The following GABRB1 variants were observed in gnomAD, a reference collection of about 807,000 sequenced individuals.
GABRB1 encodes gamma-aminobutyric acid type A receptor subunit beta1, also known as gamma-aminobutyric acid receptor subunit beta-1.
A neutral mutation model predicts 51.6 loss-of-function variants in GABRB1; 17 were observed. That is an observed-to-expected ratio of 0.33 (90% CI 0.23 to 0.49). GABRB1 has a LOEUF of 0.49. Among genes scored for constraint, GABRB1 ranks in the 20% least tolerant of loss-of-function variants. GABRB1 has a pLI of 0.99. For synonymous variants in GABRB1, 247 were observed against 218.9 expected, an observed-to-expected ratio of 1.13 and a Z score of -1.14; for missense variants, 410 against 600.6, an observed-to-expected ratio of 0.68 and a Z score of 3.32.
chr4:47,195,971 G>C (rs2109790326), intron 4 of GABRB1, among the ~76,000 whole-genome samples: 1 of 152,350 alleles, frequency 6.6e-6, no homozygotes, highest in East Asian at 1.9e-4. Flanking sequence ...AGTCAGAGCA[G>C]AACTTGCTAG....
intron 3 of GABRB1, among the ~76,000 whole-genome samples, chr4:47,152,954 G>C (rs530696202): frequency 6.6e-6 from 1 of 151,846 alleles, no homozygotes; most frequent in South Asian, 2.1e-4. Context: ...CCTCCTACTC[G>C]ATCATTTTGT....
chr4:47,316,497 G>A (rs1343939413), intron 4 of GABRB1, among the ~76,000 whole-genome samples: 1 of 151,910 alleles, frequency 6.6e-6, no homozygotes, highest in Non-Finnish European at 1.5e-5. Flanking sequence ...CACTTAGGTT[G>A]ATTCCATATT....
intron 5 of GABRB1, among the ~76,000 whole-genome samples, chr4:47,359,971 A>G (rs1481445431): frequency 6.6e-6 from 1 of 152,068 alleles, no homozygotes; most frequent in African/African-American, 2.4e-5. Flanking sequence ...ATCAGACTTG[A>G]AGTAAAAATG....
Position 47,382,488 on chromosome 4 carries a change from C to T in GABRB1, c.545-20830C>T, listed in dbSNP as rs574445434. 2.0e-5 allele frequency among the ~76,000 whole-genome samples: 3 copies of T among 152,330 alleles called. No individual in the cohort carries two copies. The South Asian group carries it at 6.2e-4, about 32-fold the overall frequency. On this transcript the variant is annotated intron_variant, in intron 5 of 8. Coordinates refer to ENST00000295454, the MANE Select transcript of GABRB1 (RefSeq NM_000812.4). ...TTGATGATGGATTGCTTCTAAGAAG[C>T]ACTCTGTAGCTATCACTTTGCAAAA... is the stretch of plus-strand genomic sequence containing the variant.
intron 3 of GABRB1, among the ~76,000 whole-genome samples, chr4:47,143,687 A>G (rs942810949): frequency 2.6e-5 from 4 of 151,914 alleles, no homozygotes; most frequent in Non-Finnish European, 5.9e-5. Context: ...TTCAAAAATA[A>G]TCTAACATTC....
intron 3 of GABRB1, among the ~76,000 whole-genome samples, chr4:47,069,365 CT>C (rs1727217051): frequency 6.6e-6 from 1 of 152,140 alleles, no homozygotes; most frequent in Non-Finnish European, 1.5e-5. Flanking sequence ...TGATTATCTC[CT>C]TTTGCCATTC....
chr4:47,034,190 G>A (rs1233826620), intron 3 of GABRB1, among the ~76,000 whole-genome samples: 2 of 152,062 alleles, frequency 1.3e-5, no homozygotes, highest in East Asian at 1.9e-4. Context: ...CTACCTTGCC[G>A]TGTAGAGTGT....
At chr4:47,102,619 C>G (rs115562079) in intron 3 of GABRB1, among the ~76,000 whole-genome samples, 2 of 151,776 alleles carry the variant, frequency 1.3e-5, no homozygotes, top group Non-Finnish European at 2.9e-5. Flanking sequence ...AAAAGAGCAA[C>G]CAGGGCAAAA....
chr4:47,013,413 G>A lies in GABRB1; in HGVS notation c.-19-18501G>A, dbSNP rs1724642053. ...GACCTCAGGTGATCCACCCACCCTA[G>A]CCTCCCGAGTGCTGGGATTACAGGA... On this transcript the variant is annotated intron_variant, in intron 1 of 3. Transcript: ENST00000513567. Among the ~76,000 whole-genome samples, 3 of 152,224 alleles carry A rather than the reference G, an allele frequency of 2.0e-5. No homozygotes were observed. In the South Asian group the frequency reaches 6.2e-4, roughly 32 times the overall value.
chr4:47,029,868 T>A (rs552306314), upstream of GABRB1, among the ~76,000 whole-genome samples: 1 of 152,124 alleles, frequency 6.6e-6, no homozygotes, highest in Non-Finnish European at 1.5e-5. Flanking sequence ...TTGCTTTTTA[T>A]CCCTACATGA....
chr4:47,394,272 C>T (rs905476739), intron 5 of GABRB1, among the ~76,000 whole-genome samples: 5 of 152,184 alleles, frequency 3.3e-5, no homozygotes, highest in African/African-American at 1.2e-4. Flanking sequence ...CAAATCCAGA[C>T]TTCAATTGGG....
At chr4:47,132,181 CT>C (rs1014624319) in intron 3 of GABRB1, among the ~76,000 whole-genome samples, 1 of 152,178 alleles carries the variant, frequency 6.6e-6, no homozygotes, top group African/African-American at 2.4e-5. Context: ...ATTTCTCTCT[CT>C]TTTTTTACAG....
chr4:47,115,438 A>G (rs1446963087), intron 3 of GABRB1, among the ~76,000 whole-genome samples: 1 of 152,078 alleles, frequency 6.6e-6, no homozygotes, highest in Non-Finnish European at 1.5e-5. Flanking sequence ...TTGGAAAAAG[A>G]TCTAGTATAA....
intron 3 of GABRB1, among the ~76,000 whole-genome samples, chr4:47,096,646 T>C (rs545161802): frequency 3.3e-5 from 5 of 152,026 alleles, no homozygotes; most frequent in Non-Finnish European, 7.4e-5. Flanking sequence ...TCTAATCAAG[T>C]GGGTTGTTAA....
chr4:47,386,828 C>T (rs756493866), intron 5 of GABRB1, among the ~76,000 whole-genome samples: 1 of 152,184 alleles, frequency 6.6e-6, no homozygotes, highest in Admixed American at 6.5e-5. Context: ...AATCAGTAAT[C>T]TATGGAAGCA....
intron 3 of GABRB1, among the ~76,000 whole-genome samples, chr4:47,106,528 A>G (rs1174083103): frequency 1.3e-5 from 2 of 152,082 alleles, no homozygotes; most frequent in Middle Eastern, 3.2e-3. Flanking sequence ...AATTTCAAAT[A>G]CTTTCCATTA....
At chr4:47,300,349 G>A (rs1285786523) in intron 4 of GABRB1, among the ~76,000 whole-genome samples, 1 of 151,918 alleles carries the variant, frequency 6.6e-6, no homozygotes. Flanking sequence ...TCAGTCCTAG[G>A]CTTTAAGAGG....
At position 47,031,595 on chromosome 4, in the gene GABRB1, T is replaced by C; in HGVS notation, c.-57T>C. ...CGGGAATTACTGCCCAGCAGCCGAC[T>C]AAGTTGCATTCCTTGAATCTTCGCA... On this transcript the variant is annotated 5_prime_UTR_variant, in exon 1 of 9. Coordinates refer to ENST00000295454, the MANE Select transcript of GABRB1 (RefSeq NM_000812.4). 1 of 1,446,140 alleles carries C rather than the reference T, an allele frequency of 6.9e-7. No homozygotes were observed. Among genetic ancestry groups the C allele is most frequent in the Non-Finnish European group, 9.7e-7 (1 of 1,027,322 alleles). 89.6% of individuals were successfully genotyped at this position (1,446,140 alleles called of 1,614,324 possible).
intron 5 of GABRB1, among the ~76,000 whole-genome samples, chr4:47,338,696 T>C (rs1236541141): frequency 6.6e-5 from 10 of 152,218 alleles, no homozygotes; most frequent in Non-Finnish European, 1.3e-4. Flanking sequence ...TTTTGTGTGT[T>C]CTACGAAGCA....
Sources: gnomAD v4.1 joint callset for allele counts (sites outside exome capture counted in the v4.1 genomes callset) on GRCh38, gnomAD v4.1.1 for gene constraint, MANE v1.5 for transcripts, NCBI Gene and HGNC (gene_info 2026-07-23, HGNC 2026-07-21) for gene names.